Variants in CCSER1 observed in about 807,000 individuals in gnomAD.
CCSER1 encodes serine-rich coiled-coil domain-containing protein 1.
Under a neutral mutation model 82.0 loss-of-function variants are expected in CCSER1, and 41 were observed. The ratio of observed to expected loss-of-function variants is 0.50; its 90% CI spans 0.39 to 0.65. The LOEUF is 0.65. Ranked by LOEUF, CCSER1 falls within the 30% of genes least tolerant of loss-of-function variation. The pLI is 0.00. For missense variants in CCSER1, 1,119 were observed against 1,064.2 expected (o/e 1.05, Z -0.72); for synonymous variants, 414 against 383.9 (o/e 1.08, Z -0.92).
intron 8 of CCSER1, among the ~76,000 whole-genome samples, chr4:90,869,465 C>T (rs550834036): frequency 6.6e-6 from 1 of 152,056 alleles, no homozygotes; most frequent in African/African-American, 2.4e-5. Flanking sequence ...ACTGTCCTTT[C>T]CCTAATTTAT....
intron 7 of CCSER1, among the ~76,000 whole-genome samples, chr4:90,774,580 C>T (rs1752654734): frequency 6.6e-6 from 1 of 152,106 alleles, no homozygotes; most frequent in Non-Finnish European, 1.5e-5. Context: ...CTGTACTTTG[C>T]ACCTTCTTCA....
chr4:91,272,059 G>A (rs1230706532), intron 10 of CCSER1, among the ~76,000 whole-genome samples: 1 of 152,170 alleles, frequency 6.6e-6, no homozygotes, highest in African/African-American at 2.4e-5. Context: ...TGCAAATTGT[G>A]CTGCTATAAA....
At chr4:90,370,131 T>C (rs995839028) in intron 3 of CCSER1, 3 of 152,244 alleles carry the variant, frequency 2.0e-5, no homozygotes, top group Middle Eastern at 3.4e-3. Flanking sequence ...TTAGGTGTCA[T>C]GCCATCTGGC....
intron 1 of CCSER1, among the ~76,000 whole-genome samples, chr4:90,289,940 A>G (rs73832741): frequency 0.16 from 23,588 of 151,550 alleles, 2,336 homozygotes; most frequent in East Asian, 0.3. Context: ...TAGATTGCCC[A>G]AAGTTAGTGA....
Position 91,005,728 on chromosome 4 carries a change from G to T in CCSER1, c.2173-80222G>T, listed in dbSNP as rs141610620. On this transcript the variant is annotated intron_variant, in intron 9 of 10. Coordinates refer to ENST00000509176, the MANE Select transcript of CCSER1 (RefSeq NM_001145065.2). ...GAAATTGGTGTGCAATGGTAATAGAGCTTAATAACTTTGTGTTGATTTTTG... is the reference window on the plus strand; with the variant it reads ...GAAATTGGTGTGCAATGGTAATAGATCTTAATAACTTTGTGTTGATTTTTG... 5.2e-3 allele frequency among the ~76,000 whole-genome samples: 798 copies of T among 152,232 alleles called. 8 individuals are homozygous for T. The highest frequency in any genetic ancestry group is 0.018 in the African/African-American group (751 of 41,518).
At chr4:90,206,523 A>G (rs1335404017) in intron 1 of CCSER1, among the ~76,000 whole-genome samples, 1 of 151,976 alleles carries the variant, frequency 6.6e-6, no homozygotes, top group Non-Finnish European at 1.5e-5. Context: ...TGATTTTCTT[A>G]ATGCTGAGTT....
intron 8 of CCSER1, among the ~76,000 whole-genome samples, chr4:90,907,614 G>T (rs1725694644): frequency 1.3e-5 from 2 of 151,956 alleles, no homozygotes; most frequent in Admixed American, 1.3e-4. Context: ...TTTAATAAAA[G>T]AAATTCTAAT....
chr4:90,652,033 A>C (rs1359967950), intron 6 of CCSER1, among the ~76,000 whole-genome samples: 1 of 152,146 alleles, frequency 6.6e-6, no homozygotes, highest in Non-Finnish European at 1.5e-5. Flanking sequence ...AGAAAGTCTC[A>C]AGTGTTCTGC....
In CCSER1 at chr4:90,760,349, G is replaced by A. The variant is rs577470893; in HGVS notation, c.2010+36358G>A. ...TAACATCTAGCAGAAGCAGATATGAGCTAATTTGTATTTTCCTGTCATATA... is the reference window on the plus strand; with the variant it reads ...TAACATCTAGCAGAAGCAGATATGAACTAATTTGTATTTTCCTGTCATATA... On this transcript the variant is annotated intron_variant, in intron 7 of 10. Coordinates refer to ENST00000509176, the MANE Select transcript of CCSER1 (RefSeq NM_001145065.2). Among the ~76,000 whole-genome samples the A allele has an allele frequency of 3.9e-5, 6 of 151,910 alleles. No individual in the cohort carries two copies. The South Asian group carries it at 8.3e-4, about 21-fold the overall frequency.
intron 10 of CCSER1, among the ~76,000 whole-genome samples, chr4:91,426,921 T>TA (rs1343877242): frequency 6.6e-6 from 1 of 152,174 alleles, no homozygotes; most frequent in African/African-American, 2.4e-5. Context: ...ATAACTCATT[T>TA]AAAGCTCACT....
chr4:90,844,145 G>A (rs558671931), intron 8 of CCSER1, among the ~76,000 whole-genome samples: 79 of 148,888 alleles, frequency 5.3e-4, no homozygotes, highest in Non-Finnish European at 8.7e-4. Flanking sequence ...GTGTGTGTGT[G>A]TGTTGTGTAT....
intron 1 of CCSER1, among the ~76,000 whole-genome samples, chr4:90,144,023 C>G (rs1725329663): frequency 6.6e-6 from 1 of 152,160 alleles, no homozygotes; most frequent in Non-Finnish European, 1.5e-5. Context: ...ATTTCCTGGT[C>G]TGTATTCCCA....
chr4:91,407,784 C>T (rs568883276), intron 10 of CCSER1, among the ~76,000 whole-genome samples: 2 of 152,144 alleles, frequency 1.3e-5, no homozygotes, highest in Admixed American at 1.3e-4. Flanking sequence ...GTGGTCAACA[C>T]CACCCATGAG....
At chr4:91,434,763 A>G (rs370452901) in intron 10 of CCSER1, among the ~76,000 whole-genome samples, 2 of 152,296 alleles carry the variant, frequency 1.3e-5, no homozygotes, top group South Asian at 4.1e-4. Context: ...ACATATTCCT[A>G]TGATACAAAT....
intron 4 of CCSER1, among the ~76,000 whole-genome samples, chr4:90,456,662 C>T (rs1013585642): frequency 3.3e-5 from 5 of 152,174 alleles, no homozygotes; most frequent in African/African-American, 1.2e-4. Context: ...CAGTGTCCTC[C>T]CCAGCAAGCC....
intron 3 of CCSER1, among the ~76,000 whole-genome samples, chr4:90,324,239 C>A (rs1470087761): frequency 6.6e-6 from 1 of 152,164 alleles, no homozygotes; most frequent in Non-Finnish European, 1.5e-5. Context: ...CCTGAGGAAT[C>A]GCCACACTGA....
chr4:91,022,367 G>T (rs906602112), intron 9 of CCSER1, among the ~76,000 whole-genome samples: 3 of 152,022 alleles, frequency 2.0e-5, no homozygotes, highest in Admixed American at 6.6e-5. Flanking sequence ...ATTCCATGGT[G>T]TATGGTGTAT....
intron 10 of CCSER1, among the ~76,000 whole-genome samples, chr4:91,594,754 G>A (rs898226344): frequency 2.0e-5 from 3 of 151,936 alleles, no homozygotes; most frequent in Non-Finnish European, 4.4e-5. Context: ...CTTAGAAACT[G>A]AAGCCCAGAA....
intron 10 of CCSER1, among the ~76,000 whole-genome samples, chr4:91,446,215 T>TC (rs397731858): frequency 1.3e-5 from 2 of 151,350 alleles, no homozygotes; most frequent in Admixed American, 1.3e-4. Context: ...TCATACTTTT[T>TC]TGCCAGATGA....
Sources: allele counts gnomAD v4.1 joint callset (sites outside exome capture counted in the v4.1 genomes callset), GRCh38; gene constraint gnomAD v4.1.1; transcripts MANE v1.5; gene names NCBI Gene and HGNC (gene_info 2026-07-23, HGNC 2026-07-21).